The following LARP1B variants were observed in gnomAD, a reference collection of about 807,000 sequenced individuals.
LARP1B encodes the protein La ribonucleoprotein 1B, also known as la-related protein 1B.
Under a neutral mutation model 114.2 loss-of-function variants are expected in LARP1B, and 76 were observed. The ratio of observed to expected loss-of-function variants is 0.67; its 90% CI spans 0.55 to 0.81. The LOEUF (loss-of-function observed/expected upper bound fraction) is 0.81, where lower values mean the gene tolerates loss of function less well. Ranked by LOEUF, LARP1B falls within the 30% of genes least tolerant of loss-of-function variation. LARP1B has a pLI of 0.00. For synonymous variants in LARP1B, 345 were observed against 348.0 expected, an observed-to-expected ratio of 0.99 and a Z score of 0.10; for missense variants, 1,014 against 1,075.8, an observed-to-expected ratio of 0.94 and a Z score of 0.80.
intron 5 of LARP1B, among the ~76,000 whole-genome samples, chr4:128,087,031 TGCC>T (rs1365608350): frequency 1.3e-5 from 2 of 152,282 alleles, no homozygotes; most frequent in African/African-American, 4.8e-5. Flanking sequence ...TGGGTTCTCC[TGCC>T]TCAGCCTCCC....
At chr4:128,087,957 G>A (rs1345990362) in intron 5 of LARP1B, among the ~76,000 whole-genome samples, 2 of 151,416 alleles carry the variant, frequency 1.3e-5, no homozygotes, top group Non-Finnish European at 2.9e-5. Flanking sequence ...TAAAAGTAAT[G>A]GATTCTCATA....
chr4:128,065,307 TTC>T (rs1762185503), intron 1 of LARP1B, among the ~76,000 whole-genome samples: 1 of 101,402 alleles, frequency 9.9e-6, no homozygotes, highest in Admixed American at 1.1e-4. Flanking sequence ...CTTTCTTTCT[TTC>T]TTTCTTTCTC....
intron 12 of LARP1B, among the ~76,000 whole-genome samples, chr4:128,168,819 G>T (rs1012728932): frequency 5.3e-5 from 8 of 151,572 alleles, no homozygotes; most frequent in Non-Finnish European, 1.2e-4. Context: ...TGGTGTCAGA[G>T]GAATGCTGGC....
chr4:128,139,433 T>C (rs1726914234), intron 11 of LARP1B, among the ~76,000 whole-genome samples: 1 of 152,036 alleles, frequency 6.6e-6, no homozygotes, highest in South Asian at 2.1e-4. Context: ...TTCAGTGCTG[T>C]AGTGTGTGAT....
At chr4:128,084,611 C>G (rs540410565) in intron 5 of LARP1B, among the ~76,000 whole-genome samples, 2 of 150,794 alleles carry the variant, frequency 1.3e-5, no homozygotes, top group Non-Finnish European at 3.0e-5. Flanking sequence ...AGAGGGAGAC[C>G]GAGAGGGAGA....
rs117479768 is a variant in LARP1B at position 128,192,004 on chromosome 4, C to T, written c.2004-7435C>T. Among the ~76,000 whole-genome samples the T allele has an allele frequency of 2.7e-3, 417 of 152,152 alleles. 7 individuals carry two copies. The East Asian group carries it at 0.037, about 14-fold the overall frequency. On this transcript the variant is annotated intron_variant, in intron 15 of 19. Transcript: ENST00000326639. ...GAGTTTTTCAGTTCTCTGTGGCTCA[C>T]GGGTACTATCAGCCTCAGATTTGAG... is the stretch of plus-strand genomic sequence containing the variant.
intron 10 of LARP1B, among the ~76,000 whole-genome samples, chr4:128,120,187 C>G (rs891818242): frequency 6.6e-6 from 1 of 152,068 alleles, no homozygotes; most frequent in African/African-American, 2.4e-5. Context: ...CAGTGCCTGG[C>G]TCAGAGGAAG....
intron 11 of LARP1B, among the ~76,000 whole-genome samples, chr4:128,142,421 A>C (rs1357129424): frequency 6.6e-6 from 1 of 152,216 alleles, no homozygotes; most frequent in African/African-American, 2.4e-5. Flanking sequence ...CAGCCTTTAC[A>C]TAGAAACTGT....
intron 3 of LARP1B, among the ~76,000 whole-genome samples, chr4:128,077,529 G>C (rs1455728468): frequency 3.7e-5 from 2 of 53,598 alleles, no homozygotes; most frequent in Admixed American, 5.4e-4. Flanking sequence ...AAAAAAAAAA[G>C]TGGTATTGAT....
downstream of LARP1B, among the ~76,000 whole-genome samples, chr4:128,214,125 T>C (rs1484590801): frequency 7.0e-6 from 1 of 143,048 alleles, no homozygotes; most frequent in Non-Finnish European, 1.5e-5. Context: ...CACGAGACTA[T>C]ATCCCACACC....
chr4:128,073,658 T>G (rs904495559), intron 1 of LARP1B, among the ~76,000 whole-genome samples: 6 of 124,234 alleles, frequency 4.8e-5, no homozygotes, highest in African/African-American at 1.8e-4. Flanking sequence ...TGGTGCAATC[T>G]AGGCTCACTG....
At chr4:128,190,518 C>T (rs1193050705) in intron 15 of LARP1B, among the ~76,000 whole-genome samples, 1 of 152,108 alleles carries the variant, frequency 6.6e-6, no homozygotes, top group Non-Finnish European at 1.5e-5. Context: ...AGGGAGGGAC[C>T]TGGTAGGAGG....
chr4:128,198,396 A>G (rs1037469084), intron 15 of LARP1B, among the ~76,000 whole-genome samples: 1 of 152,216 alleles, frequency 6.6e-6, no homozygotes, highest in East Asian at 1.9e-4. Context: ...TGTCACACAC[A>G]AAAAGATATG....
At chr4:128,067,517 G>A (rs906466259) in intron 1 of LARP1B, among the ~76,000 whole-genome samples, 2 of 152,082 alleles carry the variant, frequency 1.3e-5, no homozygotes, top group African/African-American at 4.8e-5. Context: ...CTCGGCCCTT[G>A]TGAGAAATTT....
intron 11 of LARP1B, among the ~76,000 whole-genome samples, chr4:128,131,469 A>G (rs1306015038): frequency 1.3e-5 from 2 of 152,224 alleles, no homozygotes; most frequent in Non-Finnish European, 2.9e-5. Context: ...TTACAAATCA[A>G]TAAGACAAAT....
chr4:128,131,475 C>G lies in LARP1B; in HGVS notation c.1524+9287C>G, dbSNP rs544652721. 2.2e-4 allele frequency among the ~76,000 whole-genome samples: 34 copies of G among 152,184 alleles called. 1 individual carries two copies. In the South Asian group the frequency reaches 6.0e-3, roughly 27 times the overall value. ...AAAGAGCTCTTACAAATCAATAAGA[C>G]AAATAACCTAATTTTAAAATGGGTA... On this transcript the variant is annotated intron_variant, in intron 11 of 19. Transcript: ENST00000326639.
At chr4:128,136,329 CAAA>C (rs952024151) in intron 11 of LARP1B, among the ~76,000 whole-genome samples, 3 of 146,564 alleles carry the variant, frequency 2.0e-5, no homozygotes, top group South Asian at 2.1e-4. Context: ...AACAAAAAAA[CAAA>C]AAAACAAAAC....
At chr4:128,104,564 C>G (rs1781418454) in intron 8 of LARP1B, among the ~76,000 whole-genome samples, 1 of 152,090 alleles carries the variant, frequency 6.6e-6, no homozygotes, top group African/African-American at 2.4e-5. Flanking sequence ...CCTGCCTCAG[C>G]CTCCCGAGTA....
At chr4:128,166,930 TTCTCTCTCTCTCTCTCTCTCTCTC>T (rs56916317) in intron 12 of LARP1B, among the ~76,000 whole-genome samples, 1 of 103,098 alleles carries the variant, frequency 9.7e-6, no homozygotes, top group East Asian at 2.6e-4. Flanking sequence ...TTATATTCTA[TTCTCTCTCTCTCTCTCTCTCTCTC>T]TCTCTCTCTC....
Sources: allele counts gnomAD v4.1 joint callset (sites outside exome capture counted in the v4.1 genomes callset), GRCh38; gene constraint gnomAD v4.1.1; transcripts MANE v1.5; gene names NCBI Gene and HGNC (gene_info 2026-07-23, HGNC 2026-07-21).